GLIS3: variants seen among roughly 807,000 people sequenced by gnomAD.
GLIS3 encodes the protein GLIS family zinc finger 3, also known as zinc finger protein GLIS3.
In GLIS3, 53 loss-of-function variants were observed where a neutral mutation model predicts 78.6. The ratio of observed to expected loss-of-function variants is 0.67; its 90% CI spans 0.54 to 0.85. The LOEUF is 0.85. Ranked by LOEUF, GLIS3 falls within the 40% of genes least tolerant of loss-of-function variation. The pLI, the probability that GLIS3 is intolerant of heterozygous loss-of-function variation, is 0.00. For synonymous variants in GLIS3, 684 were observed against 509.9 expected (o/e 1.34, Z -4.60); for missense variants, 1,703 against 1,231.1 (o/e 1.38, Z -5.74).
the GLIS3 span, among the ~76,000 whole-genome samples, chr9:4,457,377 G>C: frequency 6.7e-6 from 1 of 150,066 alleles, no homozygotes; most frequent in Non-Finnish European, 1.5e-5. Flanking sequence ...AAAAAAGCAA[G>C]ATATATCTGC....
chr9:3,854,934 T>C (rs919098054), intron 9 of GLIS3, among the ~76,000 whole-genome samples: 1 of 152,202 alleles, frequency 6.6e-6, no homozygotes, highest in African/African-American at 2.4e-5. Flanking sequence ...GCATATTGAT[T>C]TAGATTTGTT....
rs751554559 is a variant in GLIS3 at position 4,039,681 on chromosome 9, C to CT, written c.1710+78086dup. ...GCCTGCCTGGCTCCCAGCCAGTGCT[C>CT]TTTCCCACTGTATTTTCTAAGATCT... is the stretch of plus-strand genomic sequence containing the variant. On this transcript the variant is annotated intron_variant, in intron 4 of 10. Coordinates refer to ENST00000381971, the MANE Select transcript of GLIS3 (RefSeq NM_001042413.2). 3.9e-5 allele frequency among the ~76,000 whole-genome samples: 6 copies of CT among 152,214 alleles called. No individual in the cohort carries two copies. The East Asian group carries it at 9.6e-4, about 24-fold the overall frequency.
At chr9:4,119,935 A>C (rs998685321) in intron 3 of GLIS3, among the ~76,000 whole-genome samples, 2 of 152,252 alleles carry the variant, frequency 1.3e-5, no homozygotes, top group African/African-American at 4.8e-5. Context: ...GTCCCTTGGA[A>C]GGAAAATTTG....
chr9:4,007,272 C>T (rs1282584190), intron 4 of GLIS3, among the ~76,000 whole-genome samples: 1 of 152,112 alleles, frequency 6.6e-6, no homozygotes, highest in Non-Finnish European at 1.5e-5. Flanking sequence ...AAAGCCCTGG[C>T]TGCCTTCCTT....
At chr9:4,364,722 A>ATG in the GLIS3 span, among the ~76,000 whole-genome samples, 1 of 110,334 alleles carries the variant, frequency 9.1e-6, no homozygotes, top group Non-Finnish European at 1.8e-5. Context: ...ATATATATAT[A>ATG]TATATTATGT....
the GLIS3 span, among the ~76,000 whole-genome samples, chr9:4,371,571 T>C: frequency 6.6e-6 from 1 of 152,052 alleles, no homozygotes; most frequent in Non-Finnish European, 1.5e-5. Context: ...CTACCACCCC[T>C]AACCCCCAGC....
intron 4 of GLIS3, among the ~76,000 whole-genome samples, chr9:4,068,637 A>G (rs559734459): frequency 6.6e-6 from 1 of 152,342 alleles, no homozygotes; most frequent in East Asian, 1.9e-4. Context: ...GAATTTCACA[A>G]GAGACATTCC....
chr9:4,174,377 T>TA (rs1414779378), intron 2 of GLIS3, among the ~76,000 whole-genome samples: 2 of 152,146 alleles, frequency 1.3e-5, no homozygotes, highest in Non-Finnish European at 2.9e-5. Context: ...ACCGATTTTT[T>TA]AAAAAAGTTC....
At chr9:3,939,435 C>T (rs599688) in intron 4 of GLIS3, among the ~76,000 whole-genome samples, 40,600 of 152,064 alleles carry the variant, frequency 0.27, 7,763 homozygotes, top group African/African-American at 0.54. Context: ...GAATATTCAG[C>T]TAAAACCCAA....
At chr9:4,167,867 T>C (rs1586861076) in intron 2 of GLIS3, among the ~76,000 whole-genome samples, 1 of 152,164 alleles carries the variant, frequency 6.6e-6, no homozygotes, top group Non-Finnish European at 1.5e-5. Flanking sequence ...TATTCCGAAG[T>C]GTTTGTTTCA....
chr9:3,837,402 G>T (rs1818420102), intron 9 of GLIS3, among the ~76,000 whole-genome samples: 1 of 152,200 alleles, frequency 6.6e-6, no homozygotes, highest in African/African-American at 2.4e-5. Flanking sequence ...ATAGGATTCA[G>T]CAATTGTGTC....
the GLIS3 span, among the ~76,000 whole-genome samples, chr9:4,458,144 T>A: frequency 6.6e-6 from 1 of 152,054 alleles, no homozygotes; most frequent in Admixed American, 6.6e-5. Flanking sequence ...TGCCCTCCTG[T>A]CATGCCAACT....
Position 4,118,279 on chromosome 9 carries a change from T to A in GLIS3, c.1199A>T (p.His400Leu), listed in dbSNP as rs376031632. Residue 400 changes from histidine to leucine, a missense_variant, in exon 4 of 11, where the codon CAC (histidine) becomes CTC (leucine). Physicochemically the swap from His to Leu is moderately conservative, Grantham distance 99 (BLOSUM62 -3). Coordinates refer to ENST00000381971, the MANE Select transcript of GLIS3 (RefSeq NM_001042413.2). This position sits in a 1 kb window ranked among gnomAD's most constrained non-coding sequence, Gnocchi z 4.7. ...LEHERMQQLE[H>L]GGLQPGLVNH... Reference sequence around the variant, plus strand: ...GACCAGGCCTGGCTGCAGGCCGCCGTGCTCCAGCTGTTGCATGCGCTCGTG... The same window carrying A: ...GACCAGGCCTGGCTGCAGGCCGCCGAGCTCCAGCTGTTGCATGCGCTCGTG... 3 of 1,585,108 alleles carry A rather than the reference T, an allele frequency of 1.9e-6. No individual in the cohort carries two copies. Among genetic ancestry groups the A allele is most frequent in the Non-Finnish European group, 1.7e-6 (2 of 1,166,810 alleles).
chr9:4,389,397 T>C, the GLIS3 span, among the ~76,000 whole-genome samples: 1 of 152,166 alleles, frequency 6.6e-6, no homozygotes, highest in African/African-American at 2.4e-5. Context: ...AGCCCAGAAC[T>C]CGTAGGTTGT....
At chr9:4,203,159 G>A (rs1449491251) in intron 2 of GLIS3, among the ~76,000 whole-genome samples, 1 of 152,130 alleles carries the variant, frequency 6.6e-6, no homozygotes, top group Non-Finnish European at 1.5e-5. Context: ...CAAAAAATGG[G>A]CACAAAACAT....
chr9:4,258,553 A>G (rs1400610039), intron 2 of GLIS3, among the ~76,000 whole-genome samples: 1 of 152,222 alleles, frequency 6.6e-6, no homozygotes, highest in African/African-American at 2.4e-5. Context: ...AAGTTACTTT[A>G]ACAAAACAAG....
chr9:4,390,865 T>C, the GLIS3 span, among the ~76,000 whole-genome samples: 2 of 152,164 alleles, frequency 1.3e-5, no homozygotes, highest in African/African-American at 4.8e-5. Context: ...CCCAAAGCAG[T>C]AGAGAGCTGG....
intron 2 of GLIS3, among the ~76,000 whole-genome samples, chr9:4,200,290 T>C (rs1329218687): frequency 6.8e-6 from 1 of 147,638 alleles, no homozygotes; most frequent in Non-Finnish European, 1.5e-5. Context: ...CAGAAGAAAA[T>C]AAATAACTAA....
chr9:4,481,696 G>C, the GLIS3 span, among the ~76,000 whole-genome samples: 2 of 152,138 alleles, frequency 1.3e-5, no homozygotes, highest in African/African-American at 4.8e-5. Flanking sequence ...AGACAGTTAA[G>C]TTGTTTCCAG....
Sources: gnomAD v4.1 joint callset for allele counts (sites outside exome capture counted in the v4.1 genomes callset) on GRCh38, gnomAD v4.1.1 for gene constraint, Gnocchi (gnomAD v3.1) non-coding constraint, MANE v1.5 for transcripts, NCBI Gene and HGNC (gene_info 2026-07-23, HGNC 2026-07-21) for gene names.